The following DCDC1 variants were observed in gnomAD, a reference collection of about 807,000 sequenced individuals.
DCDC1 encodes doublecortin domain containing 1, also known as doublecortin domain-containing protein 1.
DCDC1 carries 200 observed loss-of-function variants against 178.3 expected under a neutral mutation model. That is an observed-to-expected ratio of 1.12 (90% CI 1.00 to 1.26). DCDC1 has a LOEUF of 1.26. Among genes scored for constraint, DCDC1 ranks in the 50% most tolerant of loss-of-function variants. The probability of loss-of-function intolerance (pLI) is 0.00; values close to 1 mark genes in which losing one functional copy is unlikely to be tolerated. For missense variants in DCDC1, 1,983 were observed against 1,749.2 expected, an observed-to-expected ratio of 1.13 and a Z score of -2.38; for synonymous variants, 690 against 604.8, an observed-to-expected ratio of 1.14 and a Z score of -2.07.
intron 3 of DCDC1, among the ~76,000 whole-genome samples, chr11:31,315,605 G>A (rs992827659): frequency 3.8e-4 from 56 of 148,912 alleles, no homozygotes; most frequent in African/African-American, 1.2e-3. Context: ...CAAATTGCTG[G>A]GATTACAGGC....
intron 11 of DCDC1, among the ~76,000 whole-genome samples, chr11:31,111,576 T>G (rs1295550751): frequency 6.6e-6 from 1 of 152,148 alleles, no homozygotes; most frequent in Non-Finnish European, 1.5e-5. Context: ...GATACAATTC[T>G]GAGTAAAAAA....
At chr11:31,212,339 G>A (rs1009587201) in intron 9 of DCDC1, among the ~76,000 whole-genome samples, 1 of 151,714 alleles carries the variant, frequency 6.6e-6, no homozygotes, top group African/African-American at 2.4e-5. Context: ...AGTTTTAAGA[G>A]GTGATTAAGT....
chr11:31,079,836 G>A lies in DCDC1; in HGVS notation c.2238-1911C>T, dbSNP rs148417043. Reference sequence around the variant, plus strand: ...AGAGAGTAGATAAGGGTAAGTCTCAGATGTCAAAATTGGGAAAAGAAGAGG... The same window carrying A: ...AGAGAGTAGATAAGGGTAAGTCTCAAATGTCAAAATTGGGAAAAGAAGAGG... On this transcript the variant is annotated intron_variant, in intron 17 of 38. Transcript: ENST00000684477. Among the ~76,000 whole-genome samples the A allele has an allele frequency of 7.2e-3, 1,103 of 152,284 alleles. 21 individuals carry two copies. The highest frequency in any genetic ancestry group is 0.025 in the African/African-American group (1,050 of 41,552).
chr11:31,041,293 A>AGGAAATAAAAGAAAGTGATGGGGTTT lies in DCDC1; in HGVS notation c.2591+23150_2591+23175dup, dbSNP rs1458532657. Among the ~76,000 whole-genome samples, 4 of 152,334 alleles carry AGGAAATAAAAGAAAGTGATGGGGTTT rather than the reference A, an allele frequency of 2.6e-5. No individual in the cohort carries two copies. The East Asian group carries it at 7.7e-4, about 29-fold the overall frequency. ...ATTTTATATAGCACTAAGTCCAGGA[A>AGGAAATAAAAGAAAGTGATGGGGTTT]GGAAATAAAAGAAAGTGATGGGGTT... is the stretch of plus-strand genomic sequence containing the variant. On this transcript the variant is annotated intron_variant, in intron 20 of 38. Transcript: ENST00000684477.
At chr11:31,212,142 T>C (rs560500028) in intron 9 of DCDC1, among the ~76,000 whole-genome samples, 2 of 151,426 alleles carry the variant, frequency 1.3e-5, no homozygotes, top group African/African-American at 4.8e-5. Context: ...TTTTACAATG[T>C]AAATAAACGA....
chr11:31,065,019 C>T lies in DCDC1; in HGVS notation c.2433G>A (p.Glu811=), dbSNP rs373040832. The T allele has an allele frequency of 4.0e-6, 3 of 756,686 alleles. No homozygotes were observed. The highest frequency in any genetic ancestry group is 7.2e-6 in the Non-Finnish European group (3 of 414,924). The allele number at this position is 756,686 out of a possible 1,614,324, so 46.9% of individuals were successfully genotyped here. The part of the protein sequence containing the change: ...HQEHGRNLAE[E]VLQESASNLG... ...CTTGCCTCTGGCTCCCTACACTGAC[C>T]TCTTCTGCTAAGTTTCTGCCATGTT... is the stretch of plus-strand genomic sequence containing the variant. The change falls in exon 19 of 39, where the codon GAG becomes GAA. Residue 811 remains glutamate (E), a splice_region_variant and synonymous_variant. Transcript: ENST00000684477.
intron 17 of DCDC1, among the ~76,000 whole-genome samples, chr11:31,081,274 TG>T (rs1200230676): frequency 6.6e-6 from 1 of 152,186 alleles, no homozygotes; most frequent in Non-Finnish European, 1.5e-5. Flanking sequence ...AAGATCTTTT[TG>T]ATAGATGGCT....
intron 9 of DCDC1, among the ~76,000 whole-genome samples, chr11:31,240,837 T>A (rs1226831042): frequency 6.6e-6 from 1 of 151,972 alleles, no homozygotes; most frequent in African/African-American, 2.4e-5. Context: ...AAAGTCCCTA[T>A]ACATGATTAT....
chr11:30,987,861 G>T (rs1285400222), intron 20 of DCDC1, among the ~76,000 whole-genome samples: 4 of 152,080 alleles, frequency 2.6e-5, no homozygotes, highest in Admixed American at 1.3e-4. Flanking sequence ...TTTATGTGTG[G>T]CTCAAGACAA....
rs551348998 is a variant in DCDC1 at position 31,062,816 on chromosome 11, T to C, written c.2591+1653A>G. 2.6e-5 allele frequency among the ~76,000 whole-genome samples: 4 copies of C among 151,980 alleles called. 1 individual carries two copies. The highest frequency in any genetic ancestry group is 9.6e-5 in the African/African-American group (4 of 41,478). ...TTTTAAAATTTTATTATTATTATAC[T>C]TTAAGTTTTAGGGTACATGTGCACA... On this transcript the variant is annotated intron_variant, in intron 20 of 38. Transcript: ENST00000684477.
intron 6 of DCDC1, among the ~76,000 whole-genome samples, chr11:31,294,280 G>A (rs1478312490): frequency 6.6e-6 from 1 of 151,852 alleles, no homozygotes; most frequent in Non-Finnish European, 1.5e-5. Context: ...GGCCTGGCAT[G>A]TTCAAGAAAG....
chr11:31,176,504 C>T (rs1400605305), intron 9 of DCDC1, among the ~76,000 whole-genome samples: 1 of 151,992 alleles, frequency 6.6e-6, no homozygotes, highest in Non-Finnish European at 1.5e-5. Context: ...TGAAAATTTG[C>T]CAAGTAATTG....
At chr11:30,964,015 C>T (rs1359467646) in intron 20 of DCDC1, among the ~76,000 whole-genome samples, 1 of 152,092 alleles carries the variant, frequency 6.6e-6, no homozygotes, top group South Asian at 2.1e-4. Flanking sequence ...TCTCCAAGTT[C>T]TTCAAGGAAC....
At chr11:31,359,246 A>G (rs1439819692) in intron 1 of DCDC1, among the ~76,000 whole-genome samples, 1 of 152,174 alleles carries the variant, frequency 6.6e-6, no homozygotes, top group African/African-American at 2.4e-5. Flanking sequence ...ATGGAATACT[A>G]TGCAGCCATA....
intron 9 of DCDC1, among the ~76,000 whole-genome samples, chr11:31,144,181 C>CTAGA (rs1423964461): frequency 1.3e-5 from 2 of 152,134 alleles, no homozygotes; most frequent in African/African-American, 4.8e-5. Context: ...GTTGTCCAGG[C>CTAGA]TAGAGTGCAG....
At chr11:31,234,579 T>C (rs145380849) in intron 9 of DCDC1, among the ~76,000 whole-genome samples, 115 of 152,316 alleles carry the variant, frequency 7.6e-4, no homozygotes, top group African/African-American at 2.7e-3. Context: ...AAAATACTAG[T>C]CAATCCTTAA....
At chr11:30,914,498 A>C (rs1267948210) in intron 27 of DCDC1, among the ~76,000 whole-genome samples, 2 of 152,214 alleles carry the variant, frequency 1.3e-5, no homozygotes, top group Non-Finnish European at 2.9e-5. Context: ...CACTTTGTAC[A>C]CTATTTCAAG....
chr11:30,907,288 A>T (rs1016127087), intron 29 of DCDC1, among the ~76,000 whole-genome samples: 2 of 152,226 alleles, frequency 1.3e-5, no homozygotes, highest in Non-Finnish European at 2.9e-5. Flanking sequence ...ACTGGCATCA[A>T]TTTAAAACTC....
intron 12 of DCDC1, among the ~76,000 whole-genome samples, chr11:31,108,065 T>C (rs554571283): frequency 1.3e-5 from 2 of 152,354 alleles, no homozygotes; most frequent in Non-Finnish European, 2.9e-5. Flanking sequence ...CTTCCATGCA[T>C]CTCAGGTGTC....
Sources: allele counts gnomAD v4.1 joint callset (sites outside exome capture counted in the v4.1 genomes callset), GRCh38; gene constraint gnomAD v4.1.1; transcripts MANE v1.5; gene names NCBI Gene and HGNC (gene_info 2026-07-23, HGNC 2026-07-21).